Variants in RBM46 observed in about 807,000 individuals in gnomAD.
RBM46 encodes the protein RNA binding motif protein 46.
In RBM46, 12 loss-of-function variants were observed where a neutral mutation model predicts 43.3. The observed-to-expected ratio is 0.28, with a 90% CI of 0.18 to 0.45. The LOEUF (loss-of-function observed/expected upper bound fraction) is 0.45, where lower values mean the gene tolerates loss of function less well. Ranked by LOEUF, RBM46 falls within the 20% of genes least tolerant of loss-of-function variation. The pLI, the probability that RBM46 is intolerant of heterozygous loss-of-function variation, is 1.00. For missense variants in RBM46, 412 were observed against 639.1 expected (o/e 0.64, Z 3.83); for synonymous variants, 205 against 207.6 (o/e 0.99, Z 0.11).
chr4:154,811,651 ATGTG>A (rs751963103), intron 4 of RBM46, among the ~76,000 whole-genome samples: 3 of 132,530 alleles, frequency 2.3e-5, no homozygotes, highest in African/African-American at 8.5e-5. Flanking sequence ...TAGATAGGAT[ATGTG>A]TGTGTGTGTG....
intron 4 of RBM46, among the ~76,000 whole-genome samples, chr4:154,810,672 A>G (rs936353927): frequency 2.0e-5 from 3 of 152,148 alleles, no homozygotes; most frequent in Admixed American, 2.0e-4. Context: ...AAAACAACAA[A>G]CAAAAATAAT....
At chr4:154,794,642 G>A (rs1416133090) in intron 1 of RBM46, among the ~76,000 whole-genome samples, 2 of 152,164 alleles carry the variant, frequency 1.3e-5, no homozygotes, top group Non-Finnish European at 2.9e-5. Context: ...GGTATACCTT[G>A]TACATGCCAA....
At chr4:154,827,834 T>C (rs375123907) in intron 4 of RBM46, 34 bp from the exon 5 acceptor site, 5 of 1,610,220 alleles carry the variant, frequency 3.1e-6, no homozygotes, top group Non-Finnish European at 4.2e-6. Flanking sequence ...TCCATAAAGA[T>C]GTACAGCATA....
intron 4 of RBM46, chr4:154,826,763 A>ACT (rs1735986143): frequency 7.0e-7 from 1 of 1,426,504 alleles, no homozygotes; most frequent in African/African-American, 1.5e-5. Flanking sequence ...TTTTTCCTGA[A>ACT]CTAGGTCCTT....
intron 4 of RBM46, among the ~76,000 whole-genome samples, chr4:154,824,711 C>G (rs1735876468): frequency 6.6e-6 from 1 of 151,994 alleles, no homozygotes; most frequent in Non-Finnish European, 1.5e-5. Flanking sequence ...GAGGCCGCCT[C>G]TTTTTGTAAC....
intron 4 of RBM46, among the ~76,000 whole-genome samples, chr4:154,802,030 A>T (rs1180889682): frequency 6.6e-6 from 1 of 152,190 alleles, no homozygotes; most frequent in Non-Finnish European, 1.5e-5. Context: ...TATTTCCTCA[A>T]TCTGTATTCA....
chr4:154,823,594 A>T (rs983664768), intron 4 of RBM46, among the ~76,000 whole-genome samples: 4 of 151,986 alleles, frequency 2.6e-5, no homozygotes, highest in Non-Finnish European at 5.9e-5. Context: ...ACAGAAAAGC[A>T]GCTAAGAATT....
intron 4 of RBM46, among the ~76,000 whole-genome samples, chr4:154,813,179 G>C (rs1175290760): frequency 6.6e-6 from 1 of 152,100 alleles, no homozygotes; most frequent in Non-Finnish European, 1.5e-5. Context: ...GCTTTGAGCA[G>C]AAAGAAGAAA....
intron 1 of RBM46, among the ~76,000 whole-genome samples, chr4:154,791,830 C>T (rs558618859): frequency 1.3e-5 from 2 of 152,210 alleles, no homozygotes; most frequent in South Asian, 4.1e-4. Context: ...TCTTATAAAT[C>T]TGAAATTACT....
intron 4 of RBM46, among the ~76,000 whole-genome samples, chr4:154,803,702 CAAAAAAA>C (rs35506499): frequency 4.0e-3 from 165 of 41,304 alleles, no homozygotes; most frequent in Non-Finnish European, 4.1e-3. Context: ...GACTACGTCT[CAAAAAAA>C]AAAAAAAAAA....
intron 4 of RBM46, among the ~76,000 whole-genome samples, chr4:154,803,231 T>A (rs1734725137): frequency 6.6e-6 from 1 of 152,130 alleles, no homozygotes; most frequent in South Asian, 2.1e-4. Flanking sequence ...TAAAGGAAGC[T>A]CTATTTTAAG....
chr4:154,816,681 C>CT (rs556116605), intron 4 of RBM46, among the ~76,000 whole-genome samples: 17 of 149,368 alleles, frequency 1.1e-4, no homozygotes, highest in East Asian at 3.9e-4. Context: ...TTATACACAT[C>CT]TTTTTTTTTT....
At chr4:154,815,424 T>C (rs974638211) in intron 4 of RBM46, among the ~76,000 whole-genome samples, 4 of 152,050 alleles carry the variant, frequency 2.6e-5, no homozygotes, top group Non-Finnish European at 5.9e-5. Context: ...ATTTACACTT[T>C]ACTAGCAGTA....
rs34773010 is a variant in RBM46 at position 154,828,370 on chromosome 4, GTTT to G, written c.*316_*318del. On this transcript the variant is annotated 3_prime_UTR_variant, in exon 5 of 5. Coordinates refer to ENST00000281722, the MANE Select transcript of RBM46 (RefSeq NM_144979.5). ...TGGGCAATAGAACCTAGTCATTTAT[GTTT>G]TTTTTTTTTTTTGCATAATTTTACT... 931 of 194,614 alleles carry G rather than the reference GTTT, an allele frequency of 4.8e-3. 4 individuals carry two copies. The highest frequency in any genetic ancestry group is 0.016 in the African/African-American group (610 of 38,374). 12.1% of individuals were successfully genotyped at this position (194,614 alleles called of 1,614,324 possible).
rs543804397 is a variant in RBM46 at position 154,793,688 on chromosome 4, A to T, written c.-11-3054A>T. Among the ~76,000 whole-genome samples the T allele has an allele frequency of 3.3e-5, 5 of 152,290 alleles. No individual in the cohort carries two copies. The South Asian group carries it at 1.0e-3, about 32-fold the overall frequency. On this transcript the variant is annotated intron_variant, in intron 1 of 4. Coordinates refer to ENST00000281722, the MANE Select transcript of RBM46 (RefSeq NM_144979.5). ...CACTTTCATAGCTGTTTGACAAATT[A>T]ATTTTCAGTTTTTAAATATTGAGAG... is the stretch of plus-strand genomic sequence containing the variant.
intron 3 of RBM46, 37 bp from the exon 4 acceptor site, chr4:154,798,740 CTTTAT>C (rs1734467910): frequency 2.2e-6 from 3 of 1,334,306 alleles, no homozygotes; most frequent in African/African-American, 1.5e-5. Flanking sequence ...ACCTTTTATT[CTTTAT>C]TTTAATTCTC....
intron 4 of RBM46, among the ~76,000 whole-genome samples, 180 bp downstream of exon 4, chr4:154,799,744 A>G (rs1271546999): frequency 7.0e-6 from 1 of 143,344 alleles, no homozygotes; most frequent in African/African-American, 2.6e-5. Flanking sequence ...ATCTTCCTAC[A>G]TTTAGCTTTT....
At chr4:154,810,469 T>TATTC (rs1735121268) in intron 4 of RBM46, among the ~76,000 whole-genome samples, 1 of 151,790 alleles carries the variant, frequency 6.6e-6, no homozygotes. Context: ...TAAATACTAA[T>TATTC]ACAGAGGAAA....
chr4:154,827,273 A>T, intron 4 of RBM46: 2 of 938,314 alleles, frequency 2.1e-6, no homozygotes, highest in Non-Finnish European at 2.5e-6. Context: ...TTTGAAGTTT[A>T]TTTAATAAAG....
Sources: gnomAD v4.1 joint callset for allele counts (sites outside exome capture counted in the v4.1 genomes callset) on GRCh38, gnomAD v4.1.1 for gene constraint, MANE v1.5 for transcripts, NCBI Gene and HGNC (gene_info 2026-07-23, HGNC 2026-07-21) for gene names.